Variants in MMP16 observed in about 807,000 individuals in gnomAD.
MMP16 encodes matrix metallopeptidase 16.
Under a neutral mutation model 67.8 loss-of-function variants are expected in MMP16, and 12 were observed. The ratio of observed to expected loss-of-function variants is 0.18; its 90% CI spans 0.11 to 0.29. The LOEUF is 0.29. MMP16 is among the 10% of genes least tolerant of loss of function. MMP16 has a pLI of 1.00. For synonymous variants in MMP16, 249 were observed against 255.9 expected (o/e 0.97, Z 0.26); for missense variants, 475 against 765.7 (o/e 0.62, Z 4.48).
intron 4 of MMP16, among the ~76,000 whole-genome samples, chr8:88,138,866 T>C (rs986551663): frequency 2.0e-5 from 3 of 152,098 alleles, no homozygotes; most frequent in African/African-American, 7.2e-5. Flanking sequence ...CTGTCTTTTC[T>C]TGATCTCAAT....
At chr8:88,248,286 A>G (rs1001982490) in intron 1 of MMP16, among the ~76,000 whole-genome samples, 1 of 152,148 alleles carries the variant, frequency 6.6e-6, no homozygotes, top group African/African-American at 2.4e-5. Context: ...TGGGTATATA[A>G]GCATGCACAA....
chr8:88,199,741 A>G (rs1809312054), intron 1 of MMP16, among the ~76,000 whole-genome samples: 2 of 152,000 alleles, frequency 1.3e-5, no homozygotes, highest in Admixed American at 1.3e-4. Flanking sequence ...GTAAAGATAT[A>G]TACATATATA....
Position 88,040,395 on chromosome 8 carries a change from G to A in MMP16, c.*1066C>T, listed in dbSNP as rs974052788. Reference sequence around the variant, plus strand: ...CATTGCCCAGTTCTATAATTTATCAGATCGCAAGACCGACAATCCTAAGAC... The same window carrying A: ...CATTGCCCAGTTCTATAATTTATCAAATCGCAAGACCGACAATCCTAAGAC... On this transcript the variant is annotated 3_prime_UTR_variant, in exon 10 of 10. Coordinates refer to ENST00000286614, the MANE Select transcript of MMP16 (RefSeq NM_005941.5). 1 of 152,504 alleles carries A rather than the reference G, an allele frequency of 6.6e-6. No homozygotes were observed. The highest frequency in any genetic ancestry group is 2.4e-5 in the African/African-American group (1 of 41,422). 9.4% of individuals were successfully genotyped at this position (152,504 alleles called of 1,614,324 possible). A position where few individuals can be genotyped will look rare whatever the true frequency, so the allele number is the denominator to read the frequency against.
rs377167861 is a variant in MMP16 at position 88,282,340 on chromosome 8, TG to T, written c.132+44734del. 2.4e-3 allele frequency among the ~76,000 whole-genome samples: 360 copies of T among 152,366 alleles called. 2 individuals carry two copies. The Middle Eastern group carries it at 0.027, about 12-fold the overall frequency. ...CACCCACCTCAGCCTCCCAAAGTGCTGGGATTACAGGCGTGAGCCATGGCGC... is the reference window on the plus strand; with the variant it reads ...CACCCACCTCAGCCTCCCAAAGTGCTGGATTACAGGCGTGAGCCATGGCGC... On this transcript the variant is annotated intron_variant, in intron 1 of 9. Transcript: ENST00000286614.
At chr8:88,148,263 G>T (rs962426982) in intron 4 of MMP16, among the ~76,000 whole-genome samples, 3 of 152,058 alleles carry the variant, frequency 2.0e-5, no homozygotes, top group African/African-American at 7.2e-5. Flanking sequence ...AGTTTTAAAA[G>T]ATATCCTATT....
intron 3 of MMP16, among the ~76,000 whole-genome samples, chr8:88,181,687 A>G (rs1157752375): frequency 6.6e-6 from 1 of 151,958 alleles, no homozygotes; most frequent in Non-Finnish European, 1.5e-5. Flanking sequence ...TTATATTGAA[A>G]GGCAAGAGAC....
chr8:88,166,324 A>G (rs1031207353), intron 4 of MMP16, among the ~76,000 whole-genome samples: 14 of 152,070 alleles, frequency 9.2e-5, no homozygotes, highest in Non-Finnish European at 1.9e-4. Context: ...AGTCTTCACA[A>G]TAAAAACTGG....
At chr8:88,277,510 T>C (rs543155136) in intron 1 of MMP16, among the ~76,000 whole-genome samples, 1 of 152,112 alleles carries the variant, frequency 6.6e-6, no homozygotes, top group East Asian at 1.9e-4. Flanking sequence ...GTATCATCCT[T>C]TTCTCTTTCT....
chr8:88,046,538 T>C, intron 9 of MMP16, 131 bp downstream of exon 9: 1 of 421,610 alleles, frequency 2.4e-6, no homozygotes, highest in Non-Finnish European at 4.1e-6. Flanking sequence ...AAAAAGTTCA[T>C]ATAAATAGAA....
At chr8:88,281,584 GC>G (rs1230723332) in intron 1 of MMP16, among the ~76,000 whole-genome samples, 2 of 152,148 alleles carry the variant, frequency 1.3e-5, no homozygotes, top group Non-Finnish European at 2.9e-5. Context: ...TTTCCAGTCA[GC>G]AAGCTCTTAA....
At chr8:88,151,270 T>G (rs1019561026) in intron 4 of MMP16, among the ~76,000 whole-genome samples, 1 of 144,148 alleles carries the variant, frequency 6.9e-6, no homozygotes, top group Non-Finnish European at 1.5e-5. Context: ...AATGGGAGAC[T>G]TTAACACCCC....
Position 88,167,721 on chromosome 8 carries a change from A to G in MMP16, c.657T>C (p.Asp219=). 1.2e-6 allele frequency: 2 copies of G among 1,613,974 alleles called. No individual in the cohort carries two copies. The highest frequency in any genetic ancestry group is 1.7e-5 in the Admixed American group (1 of 59,964). The part of the protein sequence containing the change: ...AYFPGPGIGG[D]THFDSDEPWT... ...ATGGCTCATCTGAGTCAAAATGGGT[A>G]TCTCCTCCAATTCCTGGTCCAGGGA... Residue 219 remains aspartate (D), a synonymous_variant, in exon 4 of 10, where the codon GAT becomes GAC. Transcript: ENST00000286614.
chr8:88,269,510 AAT>A (rs1810531819), intron 1 of MMP16, among the ~76,000 whole-genome samples: 1 of 152,212 alleles, frequency 6.6e-6, no homozygotes, highest in Admixed American at 6.5e-5. Flanking sequence ...GAAGCATAAA[AAT>A]ATGTTCAATA....
chr8:88,086,073 A>G (rs1430249834), intron 6 of MMP16, among the ~76,000 whole-genome samples: 1 of 151,836 alleles, frequency 6.6e-6, no homozygotes, highest in Non-Finnish European at 1.5e-5. Flanking sequence ...TACACCAAAA[A>G]TGTAGTTCAG....
At chr8:88,100,269 C>A (rs570316867) in intron 6 of MMP16, among the ~76,000 whole-genome samples, 9 of 151,770 alleles carry the variant, frequency 5.9e-5, no homozygotes, top group Admixed American at 5.9e-4. Context: ...AGAACTCACA[C>A]AAATTTACAA....
Position 88,033,741 on chromosome 8 carries a change from G to C in MMP16, c.*7720C>G, listed in dbSNP as rs1808015935. 1 of 151,920 alleles carries C rather than the reference G, an allele frequency of 6.6e-6. No homozygotes were observed. Among genetic ancestry groups the C allele is most frequent in the African/African-American group, 2.4e-5 (1 of 41,396 alleles). The allele number at this position is 151,920 out of a possible 1,614,324, so 9.4% of individuals were successfully genotyped here. A position where few individuals can be genotyped will look rare whatever the true frequency, so the allele number is the denominator to read the frequency against. On this transcript the variant is annotated 3_prime_UTR_variant, in exon 10 of 10. Coordinates refer to ENST00000286614, the MANE Select transcript of MMP16 (RefSeq NM_005941.5). ...CGAGTCTCTAAAACCCCTGAAAATA[G>C]AGGTCTGCAATAGAAATGCTGATAC...
At chr8:88,144,441 A>G (rs1054776491) in intron 4 of MMP16, among the ~76,000 whole-genome samples, 3 of 151,820 alleles carry the variant, frequency 2.0e-5, no homozygotes, top group African/African-American at 7.2e-5. Context: ...GTATAGGTAT[A>G]TATGTATATG....
chr8:88,158,573 T>G (rs1339084745), intron 4 of MMP16, among the ~76,000 whole-genome samples: 2 of 152,252 alleles, frequency 1.3e-5, no homozygotes, highest in African/African-American at 4.8e-5. Context: ...TAGCCCTTTG[T>G]CAGATGGGTA....
intron 1 of MMP16, among the ~76,000 whole-genome samples, chr8:88,279,378 T>C (rs1186958776): frequency 6.6e-6 from 1 of 152,230 alleles, no homozygotes; most frequent in Non-Finnish European, 1.5e-5. Flanking sequence ...ACATGGTTAA[T>C]AGAATGTTTG....
Sources: allele counts gnomAD v4.1 joint callset (sites outside exome capture counted in the v4.1 genomes callset), GRCh38; gene constraint gnomAD v4.1.1; transcripts MANE v1.5; gene names NCBI Gene and HGNC (gene_info 2026-07-23, HGNC 2026-07-21).